Variants in NACC2 observed in about 807,000 individuals in gnomAD.
NACC2 encodes the protein nucleus accumbens-associated protein 2.
NACC2 carries 8 observed loss-of-function variants against 25.1 expected under a neutral mutation model. The ratio of observed to expected loss-of-function variants is 0.32; its 90% CI spans 0.19 to 0.57. The LOEUF is 0.57. Among genes scored for constraint, NACC2 ranks in the 20% least tolerant of loss-of-function variants. The pLI is 0.89. For missense variants in NACC2, 644 were observed against 650.2 expected (o/e 0.99, Z 0.10); for synonymous variants, 435 against 294.7 (o/e 1.48, Z -4.88).
At chr9:136,060,457 G>A (rs1373281162) in intron 1 of NACC2, among the ~76,000 whole-genome samples, 1 of 152,244 alleles carries the variant, frequency 6.6e-6, no homozygotes, top group African/African-American at 2.4e-5. Flanking sequence ...TGAAACTGTG[G>A]CAGCAGGCGC....
At chr9:136,087,514 G>A (rs1243201730) in intron 1 of NACC2, among the ~76,000 whole-genome samples, 1 of 152,226 alleles carries the variant, frequency 6.6e-6, no homozygotes, top group Non-Finnish European at 1.5e-5. Context: ...GGGCGACAGA[G>A]CCAGTCCTCG....
At position 136,011,229 on chromosome 9, in the gene NACC2, T is replaced by C; in HGVS notation, c.*287A>G. On this transcript the variant is annotated 3_prime_UTR_variant, in exon 6 of 6. Coordinates refer to ENST00000277554, the MANE Select transcript of NACC2 (RefSeq NM_144653.5). Reference sequence around the variant, plus strand: ...CCAGGGGCCTGGCGGCCTCCCACCCTCCCCAAGAAGGGGGAGGGAAGCTAC... The same window carrying C: ...CCAGGGGCCTGGCGGCCTCCCACCCCCCCCAAGAAGGGGGAGGGAAGCTAC... The C allele has an allele frequency of 4.1e-6, 1 of 243,342 alleles. No individual in the cohort carries two copies. The highest frequency in any genetic ancestry group is 7.7e-6 in the Non-Finnish European group (1 of 129,356). The allele number at this position is 243,342 out of a possible 1,614,324, so 15.1% of individuals were successfully genotyped here.
rs978032772 is a variant in NACC2, at chr9:136,018,154, G to A, written c.887-1725C>T. On this transcript the variant is annotated intron_variant, in intron 2 of 5. Transcript: ENST00000277554. The surrounding 1 kb of genome is among the most constrained non-coding windows in gnomAD (Gnocchi z 4.4). ...ACCTGCGGCCGCACCGCACCAGGACGCTCAGAGGCAGGTGCACCTGGCCAT... is the reference window on the plus strand; with the variant it reads ...ACCTGCGGCCGCACCGCACCAGGACACTCAGAGGCAGGTGCACCTGGCCAT... 2.6e-5 allele frequency among the ~76,000 whole-genome samples: 4 copies of A among 152,172 alleles called. No homozygotes were observed. The highest frequency in any genetic ancestry group is 7.2e-5 in the African/African-American group (3 of 41,448).
intron 1 of NACC2, among the ~76,000 whole-genome samples, chr9:136,059,145 A>G (rs1175480778): frequency 6.6e-6 from 1 of 152,220 alleles, no homozygotes; most frequent in Admixed American, 6.5e-5. Flanking sequence ...GTCCCTGGAG[A>G]TGAAGCTTTA....
At chr9:136,042,949 C>T (rs1401279835) in intron 2 of NACC2, among the ~76,000 whole-genome samples, 6 of 150,750 alleles carry the variant, frequency 4.0e-5, no homozygotes, top group Non-Finnish European at 8.9e-5. Flanking sequence ...CAGACAGACA[C>T]ACACAGACAC....
chr9:136,007,465 G>GCA lies in NACC2; in HGVS notation c.*4049_*4050dup, dbSNP rs56102761. 18 of 150,328 alleles carry GCA rather than the reference G, an allele frequency of 1.2e-4. No homozygotes were observed. In the East Asian group the frequency reaches 2.0e-3, roughly 17 times the overall value. 9.3% of individuals were successfully genotyped at this position (150,328 alleles called of 1,614,324 possible). ...CGCGCACACACACGCGCACACAGAC[G>GCA]CACACACACAGACGCACACACGCAC... On this transcript the variant is annotated 3_prime_UTR_variant, in exon 6 of 6. Transcript: ENST00000277554.
At chr9:136,090,969 G>A (rs1830428695) in intron 1 of NACC2, among the ~76,000 whole-genome samples, 1 of 152,172 alleles carries the variant, frequency 6.6e-6, no homozygotes, top group South Asian at 2.1e-4. Flanking sequence ...CAGGAGCTGG[G>A]CGGGCCCAGG....
At chr9:136,091,311 A>AC (rs1336455016) in intron 1 of NACC2, among the ~76,000 whole-genome samples, 1 of 152,210 alleles carries the variant, frequency 6.6e-6, no homozygotes, top group African/African-American at 2.4e-5. Context: ...CTGTAGCAGG[A>AC]CGGCCTCAGG....
In NACC2 at chr9:136,032,996, C is replaced by A. The variant is rs1328351782; in HGVS notation, c.887-16567G>T. Reference sequence around the variant, plus strand: ...TCACACCACTGAACTCCAGCCTGGGCAACAGAGCAAGATTCCATCTCAAAA... The same window carrying A: ...TCACACCACTGAACTCCAGCCTGGGAAACAGAGCAAGATTCCATCTCAAAA... On this transcript the variant is annotated intron_variant, in intron 2 of 5. Transcript: ENST00000277554. Among the ~76,000 whole-genome samples, 6 of 151,580 alleles carry A rather than the reference C, an allele frequency of 4.0e-5. No homozygotes were observed. In the South Asian group the frequency reaches 8.3e-4, roughly 21 times the overall value.
At position 136,010,365 on chromosome 9, in the gene NACC2, C is replaced by G. The variant is rs898847937; in HGVS notation, c.*1151G>C. 5.2e-5 allele frequency: 8 copies of G among 153,258 alleles called. No homozygotes were observed. The highest frequency in any genetic ancestry group is 2.0e-4 in the Admixed American group (3 of 15,288). 9.5% of individuals were successfully genotyped at this position (153,258 alleles called of 1,614,324 possible). A position where few individuals can be genotyped will look rare whatever the true frequency, so the allele number is the denominator to read the frequency against. ...GACCGACTCTCGCCCTGGCCCAGCC[C>G]TGGCCGCTGCCTCCTGCCCGAGCGG... On this transcript the variant is annotated 3_prime_UTR_variant, in exon 6 of 6. Coordinates refer to ENST00000277554, the MANE Select transcript of NACC2 (RefSeq NM_144653.5). This position sits in a 1 kb window ranked among gnomAD's most constrained non-coding sequence, Gnocchi z 4.9.
At chr9:136,035,316 C>T (rs1840534930) in intron 2 of NACC2, among the ~76,000 whole-genome samples, 1 of 151,916 alleles carries the variant, frequency 6.6e-6, no homozygotes, top group Middle Eastern at 3.2e-3. Context: ...AAAGTGGTGT[C>T]ACGTGACTCC....
rs566750282 is a variant in NACC2, at chr9:136,091,206, C to G, written c.-60+3983G>C. On this transcript the variant is annotated intron_variant, in intron 1 of 5. Transcript: ENST00000277554. ...GGATTCAGTGGCTTCACTGGCCCAA[C>G]AGCCCCCAGGCCAGCCCCAGCCGGC... is the stretch of plus-strand genomic sequence containing the variant. 2.0e-5 allele frequency among the ~76,000 whole-genome samples: 3 copies of G among 152,364 alleles called. No individual in the cohort carries two copies. In the South Asian group the frequency reaches 6.2e-4, roughly 32 times the overall value.
At position 136,011,479 on chromosome 9, in the gene NACC2, C is replaced by A; in HGVS notation, c.*37G>T. 7.4e-7 allele frequency: 1 copy of A among 1,348,906 alleles called. No homozygotes were observed. The highest frequency in any genetic ancestry group is 9.5e-7 in the Non-Finnish European group (1 of 1,051,814). 83.6% of individuals were successfully genotyped at this position (1,348,906 alleles called of 1,614,324 possible). On this transcript the variant is annotated 3_prime_UTR_variant, in exon 6 of 6. Coordinates refer to ENST00000277554, the MANE Select transcript of NACC2 (RefSeq NM_144653.5). ...GTATTAGTAACGCATGCAAGCAGCT[C>A]TAGTACTCGGTCCCTCGCGCAGCCA...
chr9:136,024,495 A>C (rs1213928281), intron 2 of NACC2, among the ~76,000 whole-genome samples: 6 of 71,114 alleles, frequency 8.4e-5, no homozygotes, highest in Admixed American at 8.1e-4. Flanking sequence ...AGTGTGTGTG[A>C]GGACAGAATG....
At chr9:136,047,095 G>A (rs1043056850) in intron 2 of NACC2, among the ~76,000 whole-genome samples, 2 of 152,150 alleles carry the variant, frequency 1.3e-5, no homozygotes, top group Middle Eastern at 3.2e-3. Context: ...AGGGACCTTA[G>A]AACACGCTAG....
Position 136,049,932 on chromosome 9 carries a change from G to A in NACC2, c.590C>T (p.Pro197Leu). Residue 197 changes from proline to leucine, a missense_variant, in exon 2 of 6, where the codon CCC becomes CTC. By Grantham distance (98) the Pro-to-Leu change is moderately conservative (BLOSUM62 -3). Coordinates refer to ENST00000277554, the MANE Select transcript of NACC2 (RefSeq NM_144653.5). ...CGCGGCCACCGCCACGCCGTCCCGG[G>A]GCCCCGTCTCCAGCGGGCGCTTGGG... ...LAPKRPLETG[P>L]RDGVAVAAGA... 3.5e-6 allele frequency: 2 copies of A among 577,810 alleles called. No individual in the cohort carries two copies. Among genetic ancestry groups the A allele is most frequent in the South Asian group, 4.1e-5 (2 of 48,842 alleles). 35.8% of individuals were successfully genotyped at this position (577,810 alleles called of 1,614,324 possible). A position where few individuals can be genotyped will look rare whatever the true frequency, so the allele number is the denominator to read the frequency against.
rs1840908445 is a variant in NACC2, at chr9:136,055,316, G to A, written c.-59-4736C>T. Among the ~76,000 whole-genome samples the A allele has an allele frequency of 1.3e-5, 2 of 152,140 alleles. No individual in the cohort carries two copies. The highest frequency in any genetic ancestry group is 4.1e-4 in the South Asian group (2 of 4,834). On this transcript the variant is annotated intron_variant, in intron 1 of 5. Transcript: ENST00000277554. This position sits in a 1 kb window ranked among gnomAD's most constrained non-coding sequence, Gnocchi z 4.9. Reference sequence around the variant, plus strand: ...CGGCAGGATTCACACAAGGACACAGGTTACAAGGTTGGTGCCAGGCCAGGG... The same window carrying A: ...CGGCAGGATTCACACAAGGACACAGATTACAAGGTTGGTGCCAGGCCAGGG...
In NACC2 at chr9:136,022,868, A is replaced by G. The variant is rs1420600004; in HGVS notation, c.887-6439T>C. Among the ~76,000 whole-genome samples, 1 of 151,280 alleles carries G rather than the reference A, an allele frequency of 6.6e-6. No homozygotes were observed. The highest frequency in any genetic ancestry group is 1.5e-5 in the Non-Finnish European group (1 of 67,894). On this transcript the variant is annotated intron_variant, in intron 2 of 5. Transcript: ENST00000277554. The surrounding 1 kb of genome is among the most constrained non-coding windows in gnomAD (Gnocchi z 4.4). ...ACCAATTTAATCATGCCACGCCATA[A>G]CTGGGAAGGCAAACCATCACCAATT...
chr9:136,049,336 G>T (rs1029742363), intron 2 of NACC2, among the ~76,000 whole-genome samples: 3 of 152,208 alleles, frequency 2.0e-5, no homozygotes, highest in African/African-American at 7.2e-5. Context: ...GCCCTTCACA[G>T]ACGGGGAACG....
Sources: allele counts gnomAD v4.1 joint callset (sites outside exome capture counted in the v4.1 genomes callset), GRCh38; gene constraint gnomAD v4.1.1; non-coding constraint Gnocchi (gnomAD v3.1); transcripts MANE v1.5; gene names NCBI Gene and HGNC (gene_info 2026-07-23, HGNC 2026-07-21).